The following DSE variants were observed in gnomAD, a reference collection of about 807,000 sequenced individuals.
DSE encodes the protein dermatan-sulfate epimerase.
Under a neutral mutation model 84.4 loss-of-function variants are expected in DSE, and 36 were observed. That is an observed-to-expected ratio of 0.43 (90% CI 0.33 to 0.56). The LOEUF (loss-of-function observed/expected upper bound fraction) is 0.56, where lower values mean the gene tolerates loss of function less well. DSE is among the 20% of genes least tolerant of loss of function. The pLI is 0.06. For synonymous variants in DSE, 410 were observed against 430.1 expected, an observed-to-expected ratio of 0.95 and a Z score of 0.58; for missense variants, 862 against 1,169.6, an observed-to-expected ratio of 0.74 and a Z score of 3.84.
intron 2 of DSE, among the ~76,000 whole-genome samples, chr6:116,411,758 T>C (rs1189942315): frequency 6.6e-6 from 1 of 152,270 alleles, no homozygotes; most frequent in Admixed American, 6.5e-5. Context: ...AGCCTGTTGA[T>C]ATGAGAAATA....
At chr6:116,332,386 G>T (rs532297376) in intron 2 of DSE, among the ~76,000 whole-genome samples, 1 of 150,264 alleles carries the variant, frequency 6.7e-6, no homozygotes, top group Admixed American at 6.6e-5. Flanking sequence ...GTGTGTGTGT[G>T]TGTGTGTAAG....
chr6:116,391,036 G>T (rs1307763022), intron 1 of DSE, among the ~76,000 whole-genome samples: 1 of 152,080 alleles, frequency 6.6e-6, no homozygotes, highest in African/African-American at 2.4e-5. Context: ...GGATGGGGGA[G>T]GAACCCTTCA....
intron 2 of DSE, chr6:116,279,180 TTCCTCCCTCGCCTCCTCCTCCAATCTA>T (rs761570947): frequency 9.3e-6 from 15 of 1,612,600 alleles, no homozygotes; most frequent in Non-Finnish European, 1.2e-5. Context: ...AGGGCCCTTC[TTCCTCCCTCGCCTCCTCCTCCAATCTA>T]TCCTCCTCCG....
intron 2 of DSE, among the ~76,000 whole-genome samples, chr6:116,267,475 ATAAAT>A (rs71810670): frequency 0.24 from 36,569 of 151,914 alleles, 5,498 homozygotes; most frequent in East Asian, 0.64. Context: ...AAAAAAGCTT[ATAAAT>A]TAAAGATATA....
intron 2 of DSE, among the ~76,000 whole-genome samples, chr6:116,331,112 G>T (rs1372090775): frequency 6.6e-6 from 1 of 152,122 alleles, no homozygotes; most frequent in East Asian, 1.9e-4. Flanking sequence ...ACGAAGAATA[G>T]AAGAGAGCTT....
At chr6:116,352,317 T>C (rs188385388) in intron 2 of DSE, among the ~76,000 whole-genome samples, 7 of 152,344 alleles carry the variant, frequency 4.6e-5, no homozygotes, top group African/African-American at 1.7e-4. Flanking sequence ...TGTTCCTGCA[T>C]CCAAGAATCA....
At chr6:116,368,077 G>A (rs1440056873), upstream of DSE, among the ~76,000 whole-genome samples, 1 of 152,184 alleles carries the variant, frequency 6.6e-6, no homozygotes, top group Non-Finnish European at 1.5e-5. Context: ...TATTACAGTA[G>A]AGCAAAGACA....
chr6:116,287,001 C>T (rs546355046), intron 2 of DSE, among the ~76,000 whole-genome samples: 152 of 152,196 alleles, frequency 1.0e-3, no homozygotes, highest in African/African-American at 3.5e-3. Flanking sequence ...TGTGTGTATC[C>T]GGTTATTGTT....
chr6:116,274,632 TAA>T (rs1773039604), intron 2 of DSE, among the ~76,000 whole-genome samples: 1 of 152,162 alleles, frequency 6.6e-6, no homozygotes, highest in Non-Finnish European at 1.5e-5. Context: ...ATATTGGTCT[TAA>T]AAGTCACTAA....
chr6:116,443,600 T>G lies in DSE; in HGVS notation c.*6255T>G, dbSNP rs970621156. The G allele has an allele frequency of 2.0e-5, 3 of 152,174 alleles. No individual in the cohort carries two copies. The highest frequency in any genetic ancestry group is 4.4e-5 in the Non-Finnish European group (3 of 68,030). 9.4% of individuals were successfully genotyped at this position (152,174 alleles called of 1,614,324 possible). A position where few individuals can be genotyped will look rare whatever the true frequency, so the allele number is the denominator to read the frequency against. On this transcript the variant is annotated 3_prime_UTR_variant, in exon 6 of 6. Coordinates refer to ENST00000644252, the MANE Select transcript of DSE (RefSeq NM_013352.4). ...TAAGCATTGTGATTAATGCAGGCAG[T>G]TGGAGTACTTTCTAAATCAGAAAAG...
At chr6:116,424,712 C>A (rs1171283808) in intron 2 of DSE, among the ~76,000 whole-genome samples, 1 of 152,052 alleles carries the variant, frequency 6.6e-6, no homozygotes, top group African/African-American at 2.4e-5. Flanking sequence ...CATATTCATA[C>A]ATATATTTAC....
intron 2 of DSE, among the ~76,000 whole-genome samples, chr6:116,338,224 T>C (rs1418531460): frequency 8.6e-5 from 12 of 138,988 alleles, no homozygotes; most frequent in Admixed American, 1.4e-4. Flanking sequence ...TCTTTCTTTT[T>C]TTTTTTTTTT....
chr6:116,311,201 C>T (rs1562221758), intron 2 of DSE, among the ~76,000 whole-genome samples: 1 of 152,200 alleles, frequency 6.6e-6, no homozygotes, highest in Non-Finnish European at 1.5e-5. Flanking sequence ...CCTAGGAACA[C>T]CTTGTCCTTC....
At chr6:116,367,952 C>T (rs2114901354), upstream of DSE, among the ~76,000 whole-genome samples, 1 of 152,192 alleles carries the variant, frequency 6.6e-6, no homozygotes, top group South Asian at 2.1e-4. Context: ...AGATACTGAA[C>T]AAAATGAATA....
At chr6:116,280,458 A>G (rs1011647318) in intron 2 of DSE, among the ~76,000 whole-genome samples, 3 of 152,224 alleles carry the variant, frequency 2.0e-5, no homozygotes, top group African/African-American at 7.2e-5. Flanking sequence ...CTAATTTTCG[A>G]TTTATAATCT....
intron 2 of DSE, among the ~76,000 whole-genome samples, chr6:116,404,748 A>G (rs988926368): frequency 6.6e-6 from 1 of 152,266 alleles, no homozygotes; most frequent in Non-Finnish European, 1.5e-5. Context: ...GTTTCTTGGT[A>G]CACAGTACTC....
At chr6:116,407,031 T>C (rs755412475) in intron 2 of DSE, among the ~76,000 whole-genome samples, 3 of 150,792 alleles carry the variant, frequency 2.0e-5, no homozygotes, top group African/African-American at 7.3e-5. Flanking sequence ...TTAAGAGACA[T>C]ATAAGACTGA....
chr6:116,362,220 G>A (rs1448921379), intron 2 of DSE, among the ~76,000 whole-genome samples: 1 of 152,220 alleles, frequency 6.6e-6, no homozygotes, highest in Non-Finnish European at 1.5e-5. Flanking sequence ...TATTGGCTTA[G>A]GCCAGTGGTC....
chr6:116,307,188 G>A (rs1439179751), intron 2 of DSE, among the ~76,000 whole-genome samples: 1 of 152,166 alleles, frequency 6.6e-6, no homozygotes, highest in Non-Finnish European at 1.5e-5. Context: ...CCTGACCCAT[G>A]GAGACCTTAA....
Sources: gnomAD v4.1 joint callset for allele counts (sites outside exome capture counted in the v4.1 genomes callset) on GRCh38, gnomAD v4.1.1 for gene constraint, MANE v1.5 for transcripts, NCBI Gene and HGNC (gene_info 2026-07-23, HGNC 2026-07-21) for gene names.